ANKLE2: variants seen among roughly 807,000 people sequenced by gnomAD.
ANKLE2 encodes the protein ankyrin repeat and LEM domain-containing protein 2.
In ANKLE2, 55 loss-of-function variants were observed where a neutral mutation model predicts 84.2. That is an observed-to-expected ratio of 0.65 (90% CI 0.53 to 0.82). The LOEUF (loss-of-function observed/expected upper bound fraction) is 0.82, where lower values mean the gene tolerates loss of function less well. Among genes scored for constraint, ANKLE2 ranks in the 40% least tolerant of loss-of-function variants. ANKLE2 has a pLI of 0.00. For synonymous variants in ANKLE2, 551 were observed against 486.1 expected (o/e 1.13, Z -1.76); for missense variants, 1,238 against 1,201.9 (o/e 1.03, Z -0.44).
chr12:132,732,120 G>A (rs1293647196), intron 10 of ANKLE2: 1 of 149,540 alleles, frequency 6.7e-6, no homozygotes, highest in Admixed American at 6.7e-5. Flanking sequence ...GAAGCGCTCT[G>A]CGTCCTGGTG....
At chr12:132,727,589 C>G (rs1159715830) in intron 12 of ANKLE2, 146 bp from the exon 13 acceptor site, 1 of 702,506 alleles carries the variant, frequency 1.4e-6, no homozygotes, top group East Asian at 3.0e-5. Context: ...CGGGCACACA[C>G]GCCCGGGTGG....
intron 7 of ANKLE2, among the ~76,000 whole-genome samples, chr12:132,739,100 G>C (rs11147036): frequency 2.0e-3 from 304 of 152,258 alleles, no homozygotes; most frequent in Non-Finnish European, 2.9e-3. Flanking sequence ...AGCAGGGCCT[G>C]GTTGAGGGTG....
At chr12:132,749,109 A>T (rs2044302701) in intron 3 of ANKLE2, 1 of 152,088 alleles carries the variant, frequency 6.6e-6, no homozygotes, top group Non-Finnish European at 1.5e-5. Context: ...CGATGTGCAC[A>T]GTGTGGCTGC....
At chr12:132,746,124 C>G (rs1032454079) in intron 5 of ANKLE2, among the ~76,000 whole-genome samples, 5 of 151,652 alleles carry the variant, frequency 3.3e-5, no homozygotes, top group Admixed American at 2.0e-4. Flanking sequence ...CAAGGCGGGC[C>G]GATCACGAGG....
intron 1 of ANKLE2, chr12:132,759,051 C>T (rs1275999987): frequency 1.5e-5 from 2 of 129,512 alleles, no homozygotes; most frequent in Non-Finnish European, 1.6e-5. Flanking sequence ...CACCCCGGGG[C>T]ACCCACGTGG....
chr12:132,753,047 C>T lies in ANKLE2; in HGVS notation c.640+1628G>A, dbSNP rs192624198. Among the ~76,000 whole-genome samples, 249 of 151,790 alleles carry T rather than the reference C, an allele frequency of 1.6e-3. 1 individual carries two copies. The highest frequency in any genetic ancestry group is 0.014 in the Middle Eastern group (4 of 294). On this transcript the variant is annotated intron_variant, in intron 2 of 12. Coordinates refer to ENST00000357997, the MANE Select transcript of ANKLE2 (RefSeq NM_015114.3). ...AGGTGTGGCCAGGCGAGGTGGCTCA[C>T]GCCTGTAATCCCAGCACTTCGGGAG...
chr12:132,738,407 C>T (rs1469434970), intron 7 of ANKLE2: 2 of 152,228 alleles, frequency 1.3e-5, no homozygotes, highest in South Asian at 2.1e-4. Context: ...CACACCACCT[C>T]GTCCTGCTTT....
intron 10 of ANKLE2, 193 bp downstream of exon 10, chr12:132,734,192 C>G: frequency 1.6e-6 from 1 of 644,550 alleles, no homozygotes; most frequent in Non-Finnish European, 2.7e-6. Context: ...TTGCAGTGAG[C>G]CAAGATTGCG....
intron 1 of ANKLE2, chr12:132,756,659 G>A (rs1413371319): frequency 1.3e-5 from 2 of 152,318 alleles, no homozygotes; most frequent in East Asian, 3.9e-4. Flanking sequence ...CGGGTGCGGT[G>A]GCTCACGCCT....
At chr12:132,742,391 A>C (rs2044143824) in intron 6 of ANKLE2, 1 of 153,632 alleles carries the variant, frequency 6.5e-6, no homozygotes, top group African/African-American at 2.4e-5. Context: ...CACTGCCACC[A>C]GAAGATCCTT....
At chr12:132,740,187 C>T (rs563732317) in intron 7 of ANKLE2, among the ~76,000 whole-genome samples, 1 of 152,334 alleles carries the variant, frequency 6.6e-6, no homozygotes, top group Non-Finnish European at 1.5e-5. Flanking sequence ...TCTGCAGCGA[C>T]GCCTCAACGG....
Position 132,730,001 on chromosome 12 carries a change from C to A in ANKLE2, c.2161G>T (p.Gly721Trp). The A allele has an allele frequency of 6.2e-7, 1 of 1,613,366 alleles. No homozygotes were observed. Among genetic ancestry groups the A allele is most frequent in the South Asian group, 1.1e-5 (1 of 91,076 alleles). The part of the protein sequence containing the change: ...LAGKRPKAPR[G>W]EEAHLPPVSD... ...ACAGGTGGCAGATGGGCTTCCTCCC[C>A]ACGGGGGGCCTTTGGTCTCTTGCCC... The change falls in exon 11 of 13, where the codon GGG (glycine) becomes TGG (tryptophan). Residue 721 changes from glycine (G) to tryptophan (W), a missense_variant. By Grantham distance (184) the Gly-to-Trp change is radical. This residue lies in a region of ANKLE2 where 802 missense variants were observed against 774.5 expected (regional missense o/e 1.04). Coordinates refer to ENST00000357997, the MANE Select transcript of ANKLE2 (RefSeq NM_015114.3).
At chr12:132,753,443 C>CA (rs910746938) in intron 2 of ANKLE2, among the ~76,000 whole-genome samples, 55 of 151,882 alleles carry the variant, frequency 3.6e-4, no homozygotes, top group Non-Finnish European at 2.9e-5. Context: ...GAAGCGTGGG[C>CA]AACGTGGCGA....
intron 7 of ANKLE2, 87 bp downstream of exon 7, chr12:132,741,332 G>A (rs1473016441): frequency 4.4e-6 from 6 of 1,375,242 alleles, no homozygotes; most frequent in Middle Eastern, 1.8e-4. Flanking sequence ...GGGAGCTCAG[G>A]AAAGCAAAGC....
chr12:132,743,163 T>G lies in ANKLE2; in HGVS notation c.1344A>C (p.Thr448=), dbSNP rs77051916. 2 of 1,604,820 alleles carry G rather than the reference T, an allele frequency of 1.2e-6. No homozygotes were observed. Among genetic ancestry groups the G allele is most frequent in the Non-Finnish European group, 1.7e-6 (2 of 1,174,442 alleles). Reference sequence around the variant, plus strand: ...TGTAATAAGTACTTACATCTTCAGGTGTTTTATCATATTTATTCCTTGAGT... The same window carrying G: ...TGTAATAAGTACTTACATCTTCAGGGGTTTTATCATATTTATTCCTTGAGT... ...VKNSRNKYDK[T]PEDVICERSK... The change falls in exon 6 of 13, where the codon ACA becomes ACC. Residue 448 remains threonine (T), a synonymous_variant. Transcript: ENST00000357997. The surrounding 1 kb of genome is among the most constrained non-coding windows in gnomAD (Gnocchi z 4.1).
chr12:132,761,750 C>T lies in ANKLE2; in HGVS notation c.49G>A (p.Glu17Lys), dbSNP rs1158047576. ...AAAEWAALAW[E>K]LLGASVLLIA... ...AGCAGCACCGAGGCGCCCAGCAGCT[C>T]CCAGGCCAGCGCCGCCCACTCGGCC... is the stretch of plus-strand genomic sequence containing the variant. The change falls in exon 1 of 13, where the codon GAG (glutamate) becomes AAG (lysine). Residue 17 changes from glutamate (E) to lysine (K), a missense_variant. Glu to Lys is a moderately conservative substitution (Grantham distance 56). Transcript: ENST00000357997. 7.9e-7 allele frequency: 1 copy of T among 1,259,240 alleles called. No individual in the cohort carries two copies. Among genetic ancestry groups the T allele is most frequent in the African/African-American group, 1.6e-5 (1 of 63,656 alleles). The allele number at this position is 1,259,240 out of a possible 1,614,324, so 78.0% of individuals were successfully genotyped here.
At chr12:132,727,547 C>T (rs935865520) in intron 12 of ANKLE2, 104 bp from the exon 13 acceptor site, 78 of 1,310,708 alleles carry the variant, frequency 6.0e-5, no homozygotes, top group African/African-American at 3.4e-4. Flanking sequence ...TGCGCCCGGG[C>T]GGAGGAGAGG....
At position 132,736,768 on chromosome 12, in the gene ANKLE2, GACA is replaced by G. The variant is rs1470989914; in HGVS notation, c.1593+122_1593+124del. On this transcript the variant is annotated intron_variant, in intron 8 of 12. Coordinates refer to ENST00000357997, the MANE Select transcript of ANKLE2 (RefSeq NM_015114.3). ...TCACTGGTGGATGGTTTGAGATGAGGACAACCTTGGGGCTCCACAGGACATGGT... is the reference window on the plus strand; with the variant it reads ...TCACTGGTGGATGGTTTGAGATGAGGACCTTGGGGCTCCACAGGACATGGT... The G allele has an allele frequency of 6.0e-6, 7 of 1,157,506 alleles. No individual in the cohort carries two copies. In the African/African-American group the frequency reaches 9.3e-5, roughly 15 times the overall value. The allele number at this position is 1,157,506 out of a possible 1,614,324, so 71.7% of individuals were successfully genotyped here.
chr12:132,732,842 G>C (rs564795284), intron 10 of ANKLE2, among the ~76,000 whole-genome samples: 31 of 119,778 alleles, frequency 2.6e-4, no homozygotes, highest in Middle Eastern at 6.4e-3. Context: ...CCCTCTGCGT[G>C]CTGGTGTCTG....
Sources: gnomAD v4.1 joint callset for allele counts (sites outside exome capture counted in the v4.1 genomes callset) on GRCh38, gnomAD v4.1.1 for gene constraint, gnomAD v4.1.1 regional missense constraint, Gnocchi (gnomAD v3.1) non-coding constraint, MANE v1.5 for transcripts, NCBI Gene and HGNC (gene_info 2026-07-23, HGNC 2026-07-21) for gene names.